Variants in CCDC141 observed in about 807,000 individuals in gnomAD.
CCDC141 encodes coiled-coil domain-containing protein 141.
CCDC141 carries 168 observed loss-of-function variants against 181.0 expected under a neutral mutation model. That is an observed-to-expected ratio of 0.93 (90% CI 0.82 to 1.05). The LOEUF is 1.05. Ranked by LOEUF, CCDC141 falls within the 50% of genes least tolerant of loss-of-function variation. CCDC141 has a pLI of 0.00. For synonymous variants in CCDC141, 666 were observed against 642.3 expected, an observed-to-expected ratio of 1.04 and a Z score of -0.56; for missense variants, 1,902 against 1,788.5, an observed-to-expected ratio of 1.06 and a Z score of -1.14.
At chr2:178,967,473 T>C (rs1234259903) in intron 4 of CCDC141, among the ~76,000 whole-genome samples, 1 of 152,204 alleles carries the variant, frequency 6.6e-6, no homozygotes, top group Admixed American at 6.5e-5. Context: ...GCCCAGAATT[T>C]CATATCCAGT....
At chr2:178,945,656 C>A (rs1369007454) in intron 5 of CCDC141, among the ~76,000 whole-genome samples, 1 of 152,146 alleles carries the variant, frequency 6.6e-6, no homozygotes, top group Non-Finnish European at 1.5e-5. Flanking sequence ...TGAACACTAG[C>A]AGCCCATTCA....
At chr2:178,824,617 CAAAAAAA>C in the CCDC141 span, among the ~76,000 whole-genome samples, 2 of 52,292 alleles carry the variant, frequency 3.8e-5, no homozygotes, top group African/African-American at 1.8e-4. Context: ...GAGACTTCGT[CAAAAAAA>C]AAAAAAAAAA....
At chr2:178,911,179 C>A (rs1259771084) in intron 7 of CCDC141, among the ~76,000 whole-genome samples, 1 of 152,188 alleles carries the variant, frequency 6.6e-6, no homozygotes, top group Non-Finnish European at 1.5e-5. Context: ...ACTATGTACT[C>A]AGCTACGTGC....
At chr2:178,933,706 T>A (rs1283076092) in intron 6 of CCDC141, among the ~76,000 whole-genome samples, 1 of 152,174 alleles carries the variant, frequency 6.6e-6, no homozygotes, top group Non-Finnish European at 1.5e-5. Context: ...GCAAATCAGT[T>A]GAAGCTATAC....
chr2:178,923,509 A>C lies in CCDC141; in HGVS notation c.898-4602T>G, dbSNP rs115692674. Among the ~76,000 whole-genome samples the C allele has an allele frequency of 8.6e-3, 1,305 of 152,276 alleles. 23 individuals carry two copies. The highest frequency in any genetic ancestry group is 0.03 in the African/African-American group (1,254 of 41,562). On this transcript the variant is annotated intron_variant, in intron 6 of 23. Transcript: ENST00000443758. ...TGTCAAGGCTAGAGGAGCCCAATGG[A>C]GAAAATCTCGTTCTGTTTTCTCTAA...
At chr2:178,999,862 C>T (rs1409241739) in intron 2 of CCDC141, among the ~76,000 whole-genome samples, 4 of 152,112 alleles carry the variant, frequency 2.6e-5, no homozygotes, top group Non-Finnish European at 5.9e-5. Context: ...CTCATCCTCC[C>T]CTCTTACTTG....
At position 179,047,514 on chromosome 2, in the gene CCDC141, C is replaced by G. The variant is rs549693417; in HGVS notation, c.103-108G>C. 5.0e-6 allele frequency: 5 copies of G among 990,562 alleles called. No homozygotes were observed. The South Asian group carries it at 1.5e-4, about 30-fold the overall frequency. 61.4% of individuals were successfully genotyped at this position (990,562 alleles called of 1,614,324 possible). On this transcript the variant is annotated intron_variant, in intron 1 of 23. Coordinates refer to ENST00000443758, the MANE Select transcript of CCDC141 (RefSeq NM_173648.4). ...TAAATTTCCAGTTATACTGTAAACA[C>G]TTTTTTCTATTTTCTATTTTTTTCC...
Position 178,892,693 on chromosome 2 carries a change from G to T in CCDC141, c.1266-4025C>A, listed in dbSNP as rs1221748802. On this transcript the variant is annotated intron_variant, in intron 8 of 23. Coordinates refer to ENST00000443758, the MANE Select transcript of CCDC141 (RefSeq NM_173648.4). ...TGAACGGCAGGTGGTCTGATCAAAA[G>T]AAAGGTATGACCCCACTCTTTGCCA... 2.6e-5 allele frequency among the ~76,000 whole-genome samples: 4 copies of T among 152,096 alleles called. No individual in the cohort carries two copies. The East Asian group carries it at 7.7e-4, about 29-fold the overall frequency.
At chr2:178,911,393 G>T (rs1278358889) in intron 7 of CCDC141, among the ~76,000 whole-genome samples, 1 of 152,196 alleles carries the variant, frequency 6.6e-6, no homozygotes, top group East Asian at 1.9e-4. Flanking sequence ...TTAAGTGACT[G>T]CCCAAGGTCA....
intron 4 of CCDC141, among the ~76,000 whole-genome samples, chr2:178,972,783 C>A (rs1690953862): frequency 6.6e-6 from 1 of 152,118 alleles, no homozygotes; most frequent in Non-Finnish European, 1.5e-5. Flanking sequence ...TGGAGGGAAC[C>A]AACTTGTTCT....
At chr2:178,888,805 T>TG in intron 8 of CCDC141, 137 bp from the exon 9 acceptor site, 1 of 881,802 alleles carries the variant, frequency 1.1e-6, no homozygotes, top group Non-Finnish European at 1.7e-6. Context: ...TAAGTAGCTA[T>TG]CATCTCGGCA....
At chr2:178,921,665 T>TAAAA (rs1226910128) in intron 6 of CCDC141, among the ~76,000 whole-genome samples, 1 of 152,188 alleles carries the variant, frequency 6.6e-6, no homozygotes, top group Non-Finnish European at 1.5e-5. Context: ...CAAACTCTTT[T>TAAAA]GATTAATAAA....
intron 8 of CCDC141, among the ~76,000 whole-genome samples, chr2:178,899,872 C>A (rs1463321640): frequency 2.0e-5 from 3 of 152,128 alleles, no homozygotes; most frequent in African/African-American, 7.2e-5. Context: ...TCATTGAGCA[C>A]ATAAATTATT....
intron 22 of CCDC141, among the ~76,000 whole-genome samples, chr2:178,840,804 C>A (rs1489736134): frequency 6.6e-6 from 1 of 152,202 alleles, no homozygotes; most frequent in Non-Finnish European, 1.5e-5. Context: ...GAATATAAGG[C>A]TATCATTTTT....
chr2:178,934,404 T>C (rs1689208691), intron 6 of CCDC141, among the ~76,000 whole-genome samples: 1 of 152,356 alleles, frequency 6.6e-6, no homozygotes, highest in African/African-American at 2.4e-5. Context: ...GGGCATCAAG[T>C]TGATTTATAA....
At chr2:178,920,992 A>G (rs934968509) in intron 6 of CCDC141, among the ~76,000 whole-genome samples, 4 of 152,222 alleles carry the variant, frequency 2.6e-5, no homozygotes, top group Non-Finnish European at 5.9e-5. Flanking sequence ...ACATAGGTTC[A>G]GAAGAGTATG....
In CCDC141 at chr2:178,830,016, T is replaced by C. The variant is rs1684192015; in HGVS notation, c.*4157A>G. The C allele has an allele frequency of 6.6e-6, 1 of 152,224 alleles. No homozygotes were observed. The highest frequency in any genetic ancestry group is 2.4e-5 in the African/African-American group (1 of 41,448). The allele number at this position is 152,224 out of a possible 1,614,324, so 9.4% of individuals were successfully genotyped here. On this transcript the variant is annotated 3_prime_UTR_variant, in exon 24 of 24. Transcript: ENST00000443758. The stretch of plus-strand genomic sequence containing the variant: ...TATGAAATACTGGTTTCAAATAAGA[T>C]CTGTTCACAGCCCAGACTACTGAGC...
intron 3 of CCDC141, among the ~76,000 whole-genome samples, chr2:178,975,714 C>T (rs1028498961): frequency 6.6e-6 from 1 of 151,808 alleles, no homozygotes; most frequent in East Asian, 1.9e-4. Flanking sequence ...ATAGTCTAAT[C>T]CAATATTTTA....
intron 22 of CCDC141, among the ~76,000 whole-genome samples, chr2:178,845,011 AT>A (rs1223236172): frequency 6.6e-6 from 1 of 152,204 alleles, no homozygotes; most frequent in African/African-American, 2.4e-5. Flanking sequence ...ATACATTTGC[AT>A]TTTTGTGAGT....
Sources: allele counts gnomAD v4.1 joint callset (sites outside exome capture counted in the v4.1 genomes callset), GRCh38; gene constraint gnomAD v4.1.1; transcripts MANE v1.5; gene names NCBI Gene and HGNC (gene_info 2026-07-23, HGNC 2026-07-21).